The following FAM135B variants were observed in gnomAD, a reference collection of about 807,000 sequenced individuals.
FAM135B encodes protein FAM135B.
FAM135B carries 43 observed loss-of-function variants against 127.7 expected under a neutral mutation model. The ratio of observed to expected loss-of-function variants is 0.34; its 90% CI spans 0.26 to 0.43. The LOEUF (loss-of-function observed/expected upper bound fraction) is 0.43, where lower values mean the gene tolerates loss of function less well. Among genes scored for constraint, FAM135B ranks in the 20% least tolerant of loss-of-function variants. The pLI is 1.00. For missense variants in FAM135B, 1,558 were observed against 1,725.6 expected (o/e 0.90, Z 1.72); for synonymous variants, 670 against 665.1 (o/e 1.01, Z -0.11).
intron 1 of FAM135B, among the ~76,000 whole-genome samples, chr8:138,418,250 G>C (rs1834278685): frequency 6.6e-6 from 1 of 152,118 alleles, no homozygotes; most frequent in African/African-American, 2.4e-5. Flanking sequence ...AAAGTAAAGT[G>C]AAAAGAATTT....
chr8:138,358,010 G>A (rs932575646), intron 2 of FAM135B, among the ~76,000 whole-genome samples: 5 of 152,230 alleles, frequency 3.3e-5, no homozygotes, highest in African/African-American at 9.6e-5. Flanking sequence ...CATGGCTGGC[G>A]AGGACTTACA....
chr8:138,401,819 C>T (rs567539926), intron 1 of FAM135B, among the ~76,000 whole-genome samples: 2 of 152,288 alleles, frequency 1.3e-5, no homozygotes, highest in South Asian at 4.1e-4. Flanking sequence ...AGCTATGATA[C>T]CAAACTCACC....
chr8:138,415,334 A>G (rs1834081041), intron 1 of FAM135B, among the ~76,000 whole-genome samples: 1 of 152,188 alleles, frequency 6.6e-6, no homozygotes, highest in African/African-American at 2.4e-5. Context: ...GGCCCAGAGC[A>G]GGTGTCCTGT....
At chr8:138,406,132 T>C (rs1309704545) in intron 1 of FAM135B, among the ~76,000 whole-genome samples, 1 of 150,194 alleles carries the variant, frequency 6.7e-6, no homozygotes, top group East Asian at 2.0e-4. Context: ...GTCAGATGAG[T>C]AGGTTGCGAA....
intron 18 of FAM135B, among the ~76,000 whole-genome samples, chr8:138,137,911 A>G (rs1461869807): frequency 6.6e-6 from 1 of 152,144 alleles, no homozygotes; most frequent in Non-Finnish European, 1.5e-5. Flanking sequence ...CTGTACTGAG[A>G]CTGTCCTTCT....
At chr8:138,188,192 T>A (rs1234323370) in intron 9 of FAM135B, among the ~76,000 whole-genome samples, 2 of 152,194 alleles carry the variant, frequency 1.3e-5, no homozygotes, top group African/African-American at 4.8e-5. Context: ...CAATATTCTT[T>A]ATCATAGAAC....
At chr8:138,407,586 C>G (rs565618429) in intron 1 of FAM135B, among the ~76,000 whole-genome samples, 1 of 152,090 alleles carries the variant, frequency 6.6e-6, no homozygotes, top group Non-Finnish European at 1.5e-5. Flanking sequence ...CAGAACAGAG[C>G]CCTCAGAAAT....
rs568337543 is a variant in FAM135B at position 138,218,085 on chromosome 8, A to G, written c.670-20416T>C. Among the ~76,000 whole-genome samples, 23 of 152,332 alleles carry G rather than the reference A, an allele frequency of 1.5e-4. No homozygotes were observed. The South Asian group carries it at 4.6e-3, about 30-fold the overall frequency. ...TTTAATGGGTGAAAATTTAGTATTT[A>G]TGGAAACATGATAACTAAGATGACT... On this transcript the variant is annotated intron_variant, in intron 7 of 19. Coordinates refer to ENST00000395297, the MANE Select transcript of FAM135B (RefSeq NM_015912.4).
At chr8:138,161,475 T>G (rs758178046) in intron 12 of FAM135B, among the ~76,000 whole-genome samples, 43 of 152,192 alleles carry the variant, frequency 2.8e-4, no homozygotes, top group Non-Finnish European at 5.6e-4. Context: ...TGACATATTA[T>G]TCAATTTACA....
intron 7 of FAM135B, among the ~76,000 whole-genome samples, chr8:138,206,354 A>G (rs1280867928): frequency 5.3e-5 from 8 of 149,796 alleles, no homozygotes; most frequent in East Asian, 2.0e-4. Context: ...CAACTCCAGC[A>G]TCCCCTCCAC....
At chr8:138,261,895 T>C (rs888209965) in intron 4 of FAM135B, among the ~76,000 whole-genome samples, 2 of 152,244 alleles carry the variant, frequency 1.3e-5, no homozygotes, top group Admixed American at 6.5e-5. Flanking sequence ...CAACTGGCTA[T>C]CAGCAGTGTT....
At chr8:138,385,401 C>A (rs552891127) in intron 1 of FAM135B, among the ~76,000 whole-genome samples, 4 of 152,240 alleles carry the variant, frequency 2.6e-5, no homozygotes, top group East Asian at 3.9e-4. Context: ...CAGCACAGGG[C>A]TCAACCCCCA....
chr8:138,400,249 A>T (rs887972709), intron 1 of FAM135B, among the ~76,000 whole-genome samples: 2 of 152,108 alleles, frequency 1.3e-5, no homozygotes, highest in South Asian at 2.1e-4. Flanking sequence ...TGGAGGGGGC[A>T]GGAGAAATGG....
At position 138,242,861 on chromosome 8, in the gene FAM135B, A is replaced by G. The variant is rs1319953111; in HGVS notation, c.669+81T>C. 1.3e-6 allele frequency: 2 copies of G among 1,505,864 alleles called. No homozygotes were observed. 93.3% of individuals were successfully genotyped at this position (1,505,864 alleles called of 1,614,324 possible). A position where few individuals can be genotyped will look rare whatever the true frequency, so the allele number is the denominator to read the frequency against. On this transcript the variant is annotated intron_variant, in intron 7 of 19. Coordinates refer to ENST00000395297, the MANE Select transcript of FAM135B (RefSeq NM_015912.4). The surrounding 1 kb of genome is among the most constrained non-coding windows in gnomAD (Gnocchi z 9.6). ...AAAATCTCTGAAGGGGATGTTTCAA[A>G]GAAGCATGAATCTCATAGAACATAC... is the stretch of plus-strand genomic sequence containing the variant.
intron 1 of FAM135B, among the ~76,000 whole-genome samples, chr8:138,419,000 T>A (rs2131443667): frequency 6.6e-6 from 1 of 151,740 alleles, no homozygotes. Context: ...TCCTTACATA[T>A]GAATATTAAC....
chr8:138,447,642 C>A (rs546204970), intron 1 of FAM135B, among the ~76,000 whole-genome samples: 4 of 103,040 alleles, frequency 3.9e-5, no homozygotes, highest in South Asian at 6.6e-4. Context: ...CATGACACAC[C>A]GGGGCCTGTT....
At chr8:138,189,064 C>G (rs1402480003) in intron 9 of FAM135B, among the ~76,000 whole-genome samples, 1 of 152,170 alleles carries the variant, frequency 6.6e-6, no homozygotes, top group Non-Finnish European at 1.5e-5. Context: ...GCCTGCCCCA[C>G]CCCCCATCCT....
intron 1 of FAM135B, among the ~76,000 whole-genome samples, chr8:138,390,208 C>T (rs961283494): frequency 6.6e-6 from 1 of 152,164 alleles, no homozygotes; most frequent in Non-Finnish European, 1.5e-5. Flanking sequence ...CTTGTCCCCA[C>T]CCAAATCTCA....
At chr8:138,198,257 C>G (rs1045143070) in intron 7 of FAM135B, among the ~76,000 whole-genome samples, 2 of 152,234 alleles carry the variant, frequency 1.3e-5, no homozygotes, top group African/African-American at 4.8e-5. Flanking sequence ...CTTTGCTCAT[C>G]CTTCACCTTC....
Sources: allele counts gnomAD v4.1 joint callset (sites outside exome capture counted in the v4.1 genomes callset), GRCh38; gene constraint gnomAD v4.1.1; non-coding constraint Gnocchi (gnomAD v3.1); transcripts MANE v1.5; gene names NCBI Gene and HGNC (gene_info 2026-07-23, HGNC 2026-07-21).